The following RUNX2 variants were observed in gnomAD, a reference collection of about 807,000 sequenced individuals.
RUNX2 encodes RUNX family transcription factor 2.
RUNX2 carries 10 observed loss-of-function variants against 51.7 expected under a neutral mutation model. The ratio of observed to expected loss-of-function variants is 0.19; its 90% CI spans 0.12 to 0.33. The LOEUF (loss-of-function observed/expected upper bound fraction) is 0.33, where lower values mean the gene tolerates loss of function less well. RUNX2 is among the 10% of genes least tolerant of loss of function. RUNX2 has a pLI of 1.00. For synonymous variants in RUNX2, 276 were observed against 273.6 expected (o/e 1.01, Z -0.09); for missense variants, 562 against 691.3 (o/e 0.81, Z 2.10).
intron 5 of RUNX2, among the ~76,000 whole-genome samples, chr6:45,461,392 A>G (rs1322390815): frequency 6.6e-6 from 1 of 152,178 alleles, no homozygotes; most frequent in Non-Finnish European, 1.5e-5. Flanking sequence ...AACAAGAGGA[A>G]CCAAATATAC....
chr6:45,490,201 C>G (rs1800420533), intron 5 of RUNX2, among the ~76,000 whole-genome samples: 1 of 152,226 alleles, frequency 6.6e-6, no homozygotes, highest in Admixed American at 6.5e-5. Flanking sequence ...TGTTTTGGGT[C>G]ATCTCTAAAA....
chr6:45,333,144 A>G (rs948406010), intron 2 of RUNX2, among the ~76,000 whole-genome samples: 7 of 151,772 alleles, frequency 4.6e-5, no homozygotes, highest in African/African-American at 1.7e-4. Context: ...GAAGTCTCAC[A>G]TAATGAAATT....
At chr6:45,453,205 G>A (rs1305825156) in intron 5 of RUNX2, among the ~76,000 whole-genome samples, 1 of 152,208 alleles carries the variant, frequency 6.6e-6, no homozygotes, top group Non-Finnish European at 1.5e-5. Context: ...AAGGGGATTA[G>A]TGGCCCTCCT....
chr6:45,348,878 C>T (rs1017596788), intron 2 of RUNX2, among the ~76,000 whole-genome samples: 3 of 152,084 alleles, frequency 2.0e-5, no homozygotes, highest in African/African-American at 7.2e-5. Context: ...CTTTAGTTCC[C>T]CCATTACACT....
chr6:45,412,620 A>G (rs1797974704), intron 2 of RUNX2, among the ~76,000 whole-genome samples: 1 of 152,200 alleles, frequency 6.6e-6, no homozygotes, highest in Non-Finnish European at 1.5e-5. Flanking sequence ...TGCATTGACA[A>G]AGGAAAGAAT....
intron 5 of RUNX2, among the ~76,000 whole-genome samples, chr6:45,488,747 A>C (rs1052042522): frequency 6.6e-6 from 1 of 152,188 alleles, no homozygotes; most frequent in Non-Finnish European, 1.5e-5. Flanking sequence ...TCCAGGACTG[A>C]GCATTTTTAC....
intron 5 of RUNX2, among the ~76,000 whole-genome samples, chr6:45,486,504 A>G (rs1388767965): frequency 1.3e-5 from 2 of 152,198 alleles, no homozygotes; most frequent in Non-Finnish European, 2.9e-5. Context: ...TACTTAGGAT[A>G]CAGGTAAATA....
At chr6:45,427,656 G>A (rs538044070) in intron 3 of RUNX2, among the ~76,000 whole-genome samples, 4 of 152,034 alleles carry the variant, frequency 2.6e-5, no homozygotes, top group South Asian at 2.1e-4. Flanking sequence ...CAATTATACC[G>A]CAAGTACAAT....
At chr6:45,457,158 G>A (rs983260325) in intron 5 of RUNX2, among the ~76,000 whole-genome samples, 6 of 152,150 alleles carry the variant, frequency 3.9e-5, no homozygotes, top group African/African-American at 1.4e-4. Flanking sequence ...TTACATAGTT[G>A]TAGTTTTTGT....
At chr6:45,513,954 T>C (rs913611832) in intron 7 of RUNX2, among the ~76,000 whole-genome samples, 3 of 152,208 alleles carry the variant, frequency 2.0e-5, no homozygotes, top group African/African-American at 7.2e-5. Flanking sequence ...TTATTCCTTC[T>C]GCATTTCATA....
rs75468563 is a variant in RUNX2 at position 45,431,493 on chromosome 6, C to G, written c.424-370C>G. On this transcript the variant is annotated intron_variant, in intron 3 of 8. Transcript: ENST00000647337. ...CTCAGGGCTCTCCCTGAGAGAAAGC[C>G]TGCAGACAGGTGGTGCCTTGATCTG... 2.8e-3 allele frequency among the ~76,000 whole-genome samples: 419 copies of G among 152,290 alleles called. 3 individuals are homozygous for G. The highest frequency in any genetic ancestry group is 9.3e-3 in the African/African-American group (385 of 41,568).
intron 5 of RUNX2, among the ~76,000 whole-genome samples, chr6:45,482,130 T>C (rs1471628341): frequency 6.6e-6 from 1 of 152,244 alleles, no homozygotes; most frequent in African/African-American, 2.4e-5. Flanking sequence ...TAGCTCTTTT[T>C]TTCCTGCCTG....
intron 5 of RUNX2, 75 bp from the exon 6 acceptor site, chr6:45,491,866 G>A: frequency 6.8e-7 from 1 of 1,460,032 alleles, no homozygotes; most frequent in Non-Finnish European, 9.6e-7. Flanking sequence ...CAGTTTGTAT[G>A]TTCACATATC....
In RUNX2 at chr6:45,376,180, CTTTAA is replaced by C. The variant is rs138951009; in HGVS notation, c.59-46409_59-46405del. On this transcript the variant is annotated intron_variant, in intron 2 of 8. Coordinates refer to ENST00000647337, the MANE Select transcript of RUNX2 (RefSeq NM_001024630.4). ...GTACAACCTAGGAGACAACGTTTTG[CTTTAA>C]TTTGTCAAGATGTAAATAAGTACTA... 7.5e-3 allele frequency among the ~76,000 whole-genome samples: 1,142 copies of C among 152,270 alleles called. 20 individuals are homozygous for C. Among genetic ancestry groups the C allele is most frequent in the African/African-American group, 0.026 (1,084 of 41,542 alleles).
intron 7 of RUNX2, among the ~76,000 whole-genome samples, chr6:45,539,014 A>G (rs1310776077): frequency 1.3e-5 from 2 of 151,030 alleles, no homozygotes; most frequent in Admixed American, 6.6e-5. Flanking sequence ...GATCTCTCTC[A>G]TTTTTCCTCC....
At chr6:45,520,800 A>T (rs1410562474) in intron 7 of RUNX2, among the ~76,000 whole-genome samples, 1 of 150,354 alleles carries the variant, frequency 6.7e-6, no homozygotes, top group Admixed American at 6.6e-5. Flanking sequence ...GGCTCACTAC[A>T]GCCTCTGCCT....
At position 45,548,921 on chromosome 6, in the gene RUNX2, CT is replaced by C; in HGVS notation, c.*1617del. The C allele has an allele frequency of 2.6e-6, 1 of 386,894 alleles. No homozygotes were observed. The allele number at this position is 386,894 out of a possible 1,614,324, so 24.0% of individuals were successfully genotyped here. A position where few individuals can be genotyped will look rare whatever the true frequency, so the allele number is the denominator to read the frequency against. ...CATCACTGTCCTTTGGGAGTAGGTC[CT>C]CTGAAAAGGCAGCAGGTTCCAGCAG... On this transcript the variant is annotated 3_prime_UTR_variant, in exon 9 of 9. Coordinates refer to ENST00000647337, the MANE Select transcript of RUNX2 (RefSeq NM_001024630.4).
intron 7 of RUNX2, among the ~76,000 whole-genome samples, chr6:45,536,075 C>A (rs1802024384): frequency 6.6e-6 from 1 of 151,674 alleles, no homozygotes; most frequent in Non-Finnish European, 1.5e-5. Flanking sequence ...CCCGAGGAAC[C>A]AGAAAGTCAA....
intron 2 of RUNX2, among the ~76,000 whole-genome samples, chr6:45,348,622 C>T (rs1157833477): frequency 6.7e-6 from 1 of 149,872 alleles, no homozygotes; most frequent in Non-Finnish European, 1.5e-5. Flanking sequence ...TTGCAGTGAG[C>T]CAAGATCCCA....
Sources: gnomAD v4.1 joint callset for allele counts (sites outside exome capture counted in the v4.1 genomes callset) on GRCh38, gnomAD v4.1.1 for gene constraint, MANE v1.5 for transcripts, NCBI Gene and HGNC (gene_info 2026-07-23, HGNC 2026-07-21) for gene names.